ATP13A5: variants seen among roughly 807,000 people sequenced by gnomAD.
ATP13A5 encodes the protein probable cation-transporting ATPase 13A5.
A neutral mutation model predicts 150.2 loss-of-function variants in ATP13A5; 149 were observed. The observed-to-expected ratio is 0.99, with a 90% confidence interval of 0.87 to 1.14. ATP13A5 has a LOEUF of 1.14. ATP13A5 is among the 50% of genes most tolerant of loss of function. The probability of loss-of-function intolerance (pLI) is 0.00; values close to 1 mark genes in which losing one functional copy is unlikely to be tolerated. For missense variants in ATP13A5, 1,383 were observed against 1,449.3 expected, an observed-to-expected ratio of 0.95 and a Z score of 0.74; for synonymous variants, 497 against 522.2, an observed-to-expected ratio of 0.95 and a Z score of 0.66.
chr3:193,327,179 A>T (rs1719496462), intron 12 of ATP13A5, 122 bp from the exon 13 acceptor site: 1 of 828,848 alleles, frequency 1.2e-6, no homozygotes. Flanking sequence ...TACCTTGTTT[A>T]TAAGTACCAA....
chr3:193,309,763 T>C (rs1179499646), intron 21 of ATP13A5, among the ~76,000 whole-genome samples: 1 of 152,158 alleles, frequency 6.6e-6, no homozygotes, highest in Admixed American at 6.5e-5. Context: ...AAACTGAGGT[T>C]CAGTCCAACC....
chr3:193,326,517 T>C (rs1015310493), intron 13 of ATP13A5, among the ~76,000 whole-genome samples: 4 of 152,194 alleles, frequency 2.6e-5, no homozygotes, highest in Admixed American at 6.5e-5. Context: ...TATATAAAAG[T>C]CAGGACTTTG....
chr3:193,363,573 A>ATT (rs1196978493), intron 2 of ATP13A5, among the ~76,000 whole-genome samples, 191 bp from the exon 3 acceptor site: 6 of 152,328 alleles, frequency 3.9e-5, no homozygotes, highest in African/African-American at 1.4e-4. Flanking sequence ...GGGTGGGGCC[A>ATT]GCATCCTTGT....
intron 12 of ATP13A5, 23 bp from the exon 13 acceptor site, chr3:193,327,080 A>G: frequency 6.3e-7 from 1 of 1,593,132 alleles, no homozygotes; most frequent in Non-Finnish European, 8.6e-7. Flanking sequence ...TAAAAGCAAT[A>G]TTAGCATAAG....
rs368047276 is a variant in ATP13A5 at position 193,343,904 on chromosome 3, G to A, written c.943+23C>T. 3 of 1,607,442 alleles carry A rather than the reference G, an allele frequency of 1.9e-6. No individual in the cohort carries two copies. The African/African-American group carries it at 4.0e-5, about 22-fold the overall frequency. ...TGATTAGATGTCAGACAGGGAAGAG[G>A]AAGCTCCATGACAACTGCCTACCTG... On this transcript the variant is annotated intron_variant, in intron 9 of 29. Transcript: ENST00000342358.
At chr3:193,297,615 G>A (rs537207887) in intron 25 of ATP13A5, among the ~76,000 whole-genome samples, 22 of 151,884 alleles carry the variant, frequency 1.4e-4, no homozygotes, top group South Asian at 2.1e-4. Context: ...CTGGTCTATC[G>A]TCACCCTTCT....
chr3:193,348,611 T>C (rs995500536), intron 7 of ATP13A5, among the ~76,000 whole-genome samples: 1 of 152,142 alleles, frequency 6.6e-6, no homozygotes, highest in African/African-American at 2.4e-5. Context: ...TGTAGCATGA[T>C]TTGGGGCCCC....
chr3:193,331,667 A>T (rs1390913584), intron 11 of ATP13A5, among the ~76,000 whole-genome samples: 1 of 152,198 alleles, frequency 6.6e-6, no homozygotes, highest in African/African-American at 2.4e-5. Context: ...ATGGATGGCA[A>T]TATAATTAAA....
intron 1 of ATP13A5, among the ~76,000 whole-genome samples, chr3:193,367,341 C>A (rs912771977): frequency 1.3e-5 from 2 of 151,926 alleles, no homozygotes; most frequent in African/African-American, 4.8e-5. Flanking sequence ...AATTAATATG[C>A]AATTTAAAAG....
rs766325358 is a variant in ATP13A5, at chr3:193,331,329, T to A, written c.1273-18A>T. ...GGAGGAACCTGGGAGAGGACAGACATTTTCATACAGGATAGCCCAGCACAG... is the reference window on the plus strand; with the variant it reads ...GGAGGAACCTGGGAGAGGACAGACAATTTCATACAGGATAGCCCAGCACAG... On this transcript the variant is annotated intron_variant, in intron 11 of 29. Coordinates refer to ENST00000342358, the MANE Select transcript of ATP13A5 (RefSeq NM_198505.4). 6.2e-7 allele frequency: 1 copy of A among 1,607,432 alleles called. No individual in the cohort carries two copies. Among genetic ancestry groups the A allele is most frequent in the South Asian group, 1.1e-5 (1 of 90,132 alleles).
In ATP13A5 at chr3:193,331,157, A is replaced by T; in HGVS notation, c.1427T>A (p.Met476Lys). The change falls in exon 12 of 30, where the codon ATG (methionine) becomes AAG (lysine). Residue 476 changes from methionine to lysine, a missense_variant. Met to Lys is a moderately conservative substitution (Grantham distance 95, BLOSUM62 -1). Coordinates refer to ENST00000342358, the MANE Select transcript of ATP13A5 (RefSeq NM_198505.4). ...IFCISPQRIN[M>K]CGQINLVCFD... The stretch of plus-strand genomic sequence containing the variant: ...GCACACGAGGTTTATTTGCCCACAC[A>T]TGTTGATTCTCTGTGGGGAGATACA... The T allele has an allele frequency of 6.2e-7, 1 of 1,613,862 alleles. No individual in the cohort carries two copies.
chr3:193,362,528 C>CTA, intron 4 of ATP13A5, 39 bp downstream of exon 4: 1 of 1,613,288 alleles, frequency 6.2e-7, no homozygotes, highest in Non-Finnish European at 8.5e-7. Flanking sequence ...TGTTTTTCCC[C>CTA]TATATCCTGA....
intron 6 of ATP13A5, 34 bp from the exon 7 acceptor site, chr3:193,351,235 C>T: frequency 2.5e-6 from 4 of 1,612,532 alleles, no homozygotes; most frequent in Non-Finnish European, 3.4e-6. Context: ...GGGTCACTTG[C>T]ATGAACCTTA....
chr3:193,294,901 T>C (rs1341342323), intron 25 of ATP13A5, among the ~76,000 whole-genome samples: 2 of 152,118 alleles, frequency 1.3e-5, no homozygotes, highest in African/African-American at 4.8e-5. Flanking sequence ...CAATGTAAAG[T>C]GTCTGTTGTT....
intron 7 of ATP13A5, among the ~76,000 whole-genome samples, chr3:193,345,674 C>G (rs910221921): frequency 6.6e-6 from 1 of 152,082 alleles, no homozygotes; most frequent in Non-Finnish European, 1.5e-5. Flanking sequence ...TTGTAACAGA[C>G]GCATAAGTTA....
intron 9 of ATP13A5, among the ~76,000 whole-genome samples, chr3:193,339,455 G>A (rs184732680): frequency 6.6e-6 from 1 of 152,184 alleles, no homozygotes; most frequent in East Asian, 1.9e-4. Context: ...TTTTTCAAAT[G>A]CGCAGATGAA....
intron 25 of ATP13A5, among the ~76,000 whole-genome samples, chr3:193,291,538 T>TCCTGC (rs1338362139): frequency 1.3e-5 from 2 of 151,842 alleles, no homozygotes; most frequent in African/African-American, 4.8e-5. Flanking sequence ...TCAGGAAGGG[T>TCCTGC]CCTGCCAACG....
At chr3:193,345,172 A>G in intron 7 of ATP13A5, 97 bp from the exon 8 acceptor site, 2 of 1,177,644 alleles carry the variant, frequency 1.7e-6, no homozygotes, top group Non-Finnish European at 2.5e-6. Flanking sequence ...TGTCACAGCT[A>G]AAGTGACTCT....
chr3:193,315,070 A>T lies in ATP13A5; in HGVS notation c.2060T>A (p.Phe687Tyr). 4 of 1,613,748 alleles carry T rather than the reference A, an allele frequency of 2.5e-6. No individual in the cohort carries two copies. The highest frequency in any genetic ancestry group is 3.4e-6 in the Non-Finnish European group (4 of 1,179,774). The change falls in exon 18 of 30, where the codon TTT becomes TAT. Residue 687 changes from phenylalanine to tyrosine, a missense_variant. Physicochemically the swap from Phe to Tyr is conservative, Grantham distance 22. Coordinates refer to ENST00000342358, the MANE Select transcript of ATP13A5 (RefSeq NM_198505.4). The part of the protein sequence containing the change: ...AREKVESELT[F>Y]LGLLIMENRL... Reference sequence around the variant, plus strand: ...ATTCTCCATGATGAGAAGTCCCAGAAATGTTAACTCTGACTCCACTTTTTC... The same window carrying T: ...ATTCTCCATGATGAGAAGTCCCAGATATGTTAACTCTGACTCCACTTTTTC...
Sources: gnomAD v4.1 joint callset for allele counts (sites outside exome capture counted in the v4.1 genomes callset) on GRCh38, gnomAD v4.1.1 for gene constraint, MANE v1.5 for transcripts, NCBI Gene and HGNC (gene_info 2026-07-23, HGNC 2026-07-21) for gene names.